Variants in RTN3 observed in about 807,000 individuals in gnomAD.
RTN3 encodes the protein reticulon-3.
Under a neutral mutation model 77.8 loss-of-function variants are expected in RTN3, and 49 were observed. The ratio of observed to expected loss-of-function variants is 0.63; its 90% confidence interval spans 0.50 to 0.80. The LOEUF (loss-of-function observed/expected upper bound fraction) is 0.80, where lower values mean the gene tolerates loss of function less well. RTN3 is among the 30% of genes least tolerant of loss of function. The pLI is 0.00. For missense variants in RTN3, 1,236 were observed against 1,211.9 expected (o/e 1.02, Z -0.29); for synonymous variants, 464 against 446.9 (o/e 1.04, Z -0.48).
intron 1 of RTN3, among the ~76,000 whole-genome samples, chr11:63,684,025 C>T (rs1941216929): frequency 7.5e-6 from 1 of 133,076 alleles, no homozygotes; most frequent in Admixed American, 7.8e-5. Flanking sequence ...CATCTTGGCT[C>T]ACTGCAACCT....
At chr11:63,745,738 ATATTTC>A (rs2013755686) in intron 3 of RTN3, among the ~76,000 whole-genome samples, 1 of 152,192 alleles carries the variant, frequency 6.6e-6, no homozygotes, top group Non-Finnish European at 1.5e-5. Context: ...GTAGGTTTGA[ATATTTC>A]TATTTCTTAT....
intron 4 of RTN3, 160 bp downstream of exon 4, chr11:63,750,358 T>A: frequency 1.6e-6 from 1 of 638,382 alleles, no homozygotes; most frequent in Non-Finnish European, 2.7e-6. Flanking sequence ...GAAATCACCT[T>A]AAGAAGTGGC....
At chr11:63,738,595 T>C (rs1035776459) in intron 3 of RTN3, among the ~76,000 whole-genome samples, 70 of 147,180 alleles carry the variant, frequency 4.8e-4, no homozygotes, top group African/African-American at 1.7e-3. Context: ...TGAGCTGTAG[T>C]CACACCAGCC....
intron 2 of RTN3, among the ~76,000 whole-genome samples, chr11:63,706,077 CTT>C (rs1028255645): frequency 1.3e-5 from 2 of 152,108 alleles, no homozygotes; most frequent in African/African-American, 2.4e-5. Context: ...CTGCAAAAGA[CTT>C]TTATAAGAAT....
Position 63,753,061 on chromosome 11 carries a change from C to T in RTN3, c.2878-8C>T. Reference sequence around the variant, plus strand: ...ATTCCTGCTTAACTTTTGATATGGCCTTCACAGCTGGCTGTCTTCATGTGG... The same window carrying T: ...ATTCCTGCTTAACTTTTGATATGGCTTTCACAGCTGGCTGTCTTCATGTGG... On this transcript the variant is annotated splice_polypyrimidine_tract_variant and splice_region_variant and intron_variant, in intron 5 of 8. Coordinates refer to ENST00000377819, the MANE Select transcript of RTN3 (RefSeq NM_001265589.2). The T allele has an allele frequency of 6.2e-7, 1 of 1,613,594 alleles. No homozygotes were observed. The highest frequency in any genetic ancestry group is 8.5e-7 in the Non-Finnish European group (1 of 1,179,686).
intron 1 of RTN3, among the ~76,000 whole-genome samples, chr11:63,687,031 G>C (rs908874139): frequency 2.0e-5 from 3 of 152,068 alleles, no homozygotes; most frequent in Admixed American, 2.0e-4. Context: ...TTCACACTTT[G>C]TTCTACCATA....
In RTN3 at chr11:63,700,608, A is replaced by AT. The variant is rs138780236; in HGVS notation, c.143-4230dup. On this transcript the variant is annotated intron_variant, in intron 1 of 8. Transcript: ENST00000377819. ...CTGTTTCCCTGCCCCCATCCTTTTT[A>AT]TTTTTTTTTTTTTGAGATGGAGTCT... Among the ~76,000 whole-genome samples the AT allele has an allele frequency of 5.9e-3, 749 of 126,746 alleles. 2 individuals are homozygous for AT. The highest frequency in any genetic ancestry group is 0.015 in the African/African-American group (519 of 33,690). The allele number at this position is 126,746 out of a possible 152,430, so 83.2% of individuals were successfully genotyped here.
chr11:63,728,797 G>A (rs933863627), intron 3 of RTN3, among the ~76,000 whole-genome samples: 5 of 150,284 alleles, frequency 3.3e-5, no homozygotes, highest in Admixed American at 2.7e-4. Flanking sequence ...TGAGGCAAGA[G>A]AATCACTTGA....
At chr11:63,693,373 CT>C (rs747831336) in intron 1 of RTN3, among the ~76,000 whole-genome samples, 55 of 152,118 alleles carry the variant, frequency 3.6e-4, no homozygotes, top group Admixed American at 2.4e-3. Context: ...ATCCCAGCTA[CT>C]TGGGAAGGCT....
At chr11:63,737,838 C>A (rs1182043018) in intron 3 of RTN3, among the ~76,000 whole-genome samples, 1 of 152,182 alleles carries the variant, frequency 6.6e-6, no homozygotes, top group East Asian at 1.9e-4. Context: ...CTACATATTT[C>A]TCTGGCCTGC....
intron 3 of RTN3, among the ~76,000 whole-genome samples, chr11:63,725,146 C>G (rs765724169): frequency 6.6e-6 from 1 of 152,074 alleles, no homozygotes; most frequent in Admixed American, 6.6e-5. Flanking sequence ...CTTCCCCAGA[C>G]GTAACACCGT....
rs375871043 is a variant in RTN3 at position 63,716,556 on chromosome 11, C to T, written c.200-2146C>T. Among the ~76,000 whole-genome samples, 31 of 152,324 alleles carry T rather than the reference C, an allele frequency of 2.0e-4. No homozygotes were observed. The East Asian group carries it at 2.7e-3, about 13-fold the overall frequency. Reference sequence around the variant, plus strand: ...CAAGAAAGACAGCGCCCAGGGTGGGCGTGGTGGCTCATGCCTATAATCCCA... The same window carrying T: ...CAAGAAAGACAGCGCCCAGGGTGGGTGTGGTGGCTCATGCCTATAATCCCA... On this transcript the variant is annotated intron_variant, in intron 2 of 8. Coordinates refer to ENST00000377819, the MANE Select transcript of RTN3 (RefSeq NM_001265589.2).
chr11:63,716,209 G>A (rs2011389827), intron 2 of RTN3, among the ~76,000 whole-genome samples: 2 of 152,018 alleles, frequency 1.3e-5, no homozygotes, highest in East Asian at 1.9e-4. Context: ...ACTTTATATG[G>A]CATTTCAAAA....
At chr11:63,751,941 G>T (rs1341435872) in intron 4 of RTN3, among the ~76,000 whole-genome samples, 1 of 152,096 alleles carries the variant, frequency 6.6e-6, no homozygotes, top group African/African-American at 2.4e-5. Context: ...GCAGTGAGCT[G>T]AGATTGTGCC....
chr11:63,682,311 C>T (rs1253931126), intron 1 of RTN3, among the ~76,000 whole-genome samples: 2 of 152,080 alleles, frequency 1.3e-5, no homozygotes, highest in African/African-American at 4.8e-5. Flanking sequence ...TTAATGGAAG[C>T]ATTGTAGCCT....
intron 3 of RTN3, among the ~76,000 whole-genome samples, chr11:63,724,608 C>T (rs987343409): frequency 1.3e-5 from 2 of 150,404 alleles, no homozygotes; most frequent in African/African-American, 2.5e-5. Context: ...TCTCCTGCCT[C>T]AGCCTCCCAA....
rs568100267 is a variant in RTN3 at position 63,691,575 on chromosome 11, T to C, written c.142+9797T>C. On this transcript the variant is annotated intron_variant, in intron 1 of 8. Transcript: ENST00000377819. ...CCTGTCCCAATCTTTCCTTTTAAGT[T>C]CGTTCTTCTCACAGTCTTCTCAATC... Among the ~76,000 whole-genome samples, 5 of 152,222 alleles carry C rather than the reference T, an allele frequency of 3.3e-5. No individual in the cohort carries two copies. In the South Asian group the frequency reaches 1.0e-3, roughly 32 times the overall value.
intron 2 of RTN3, among the ~76,000 whole-genome samples, chr11:63,716,769 T>C (rs1406990698): frequency 6.6e-6 from 1 of 151,946 alleles, no homozygotes; most frequent in East Asian, 1.9e-4. Flanking sequence ...ATCGAGACCA[T>C]TCTGGCTAAC....
In RTN3 at chr11:63,752,608, G is replaced by A. The variant is rs148694827; in HGVS notation, c.2840G>A (p.Arg947His). Residue 947 changes from arginine to histidine, a missense_variant, in exon 5 of 9, where the codon CGT (arginine) becomes CAT (histidine). This residue lies in a region of RTN3 where 141 missense variants were observed against 154.9 expected (regional missense o/e 0.91). Coordinates refer to ENST00000377819, the MANE Select transcript of RTN3 (RefSeq NM_001265589.2). Reference sequence around the variant, plus strand: ...AACAGGGCCCTGAAACTCATTATTCGTCTCTTTCTGGTAGAAGATCTGGTT... The same window carrying A: ...AACAGGGCCCTGAAACTCATTATTCATCTCTTTCTGGTAGAAGATCTGGTT... Reference protein sequence around the residue: ...HINRALKLIIRLFLVEDLVDS... With the variant: ...HINRALKLIIHLFLVEDLVDS... The A allele has an allele frequency of 8.1e-6, 13 of 1,613,752 alleles. No homozygotes were observed. Among genetic ancestry groups the A allele is most frequent in the African/African-American group, 4.0e-5 (3 of 74,886 alleles).
Sources: allele counts gnomAD v4.1 joint callset (sites outside exome capture counted in the v4.1 genomes callset), GRCh38; gene constraint gnomAD v4.1.1; regional missense constraint gnomAD v4.1.1; transcripts MANE v1.5; gene names NCBI Gene and HGNC (gene_info 2026-07-23, HGNC 2026-07-21).